ALX4: variants seen among roughly 807,000 people sequenced by gnomAD.
ALX4 encodes homeobox protein aristaless-like 4.
ALX4 carries 22 observed loss-of-function variants against 40.6 expected under a neutral mutation model. The ratio of observed to expected loss-of-function variants is 0.54; its 90% CI spans 0.39 to 0.77. The LOEUF is 0.77. Among genes scored for constraint, ALX4 ranks in the 30% least tolerant of loss-of-function variants. The probability of loss-of-function intolerance (pLI) is 0.00; values close to 1 mark genes in which losing one functional copy is unlikely to be tolerated. For synonymous variants in ALX4, 266 were observed against 240.5 expected, an observed-to-expected ratio of 1.11 and a Z score of -0.98; for missense variants, 556 against 564.8, an observed-to-expected ratio of 0.98 and a Z score of 0.16.
At chr11:44,286,068 T>C (rs1317004158) in intron 1 of ALX4, among the ~76,000 whole-genome samples, 1 of 152,194 alleles carries the variant, frequency 6.6e-6, no homozygotes, top group East Asian at 1.9e-4. Context: ...GGCCAGTGTG[T>C]CTGCAGGAAA....
At chr11:44,267,087 A>T (rs1055038255) in intron 3 of ALX4, among the ~76,000 whole-genome samples, 9 of 152,136 alleles carry the variant, frequency 5.9e-5, no homozygotes, top group Non-Finnish European at 1.0e-4. Flanking sequence ...AAGTCCCCGG[A>T]CTCAGAATCC....
In ALX4 at chr11:44,264,954, C is replaced by G; in HGVS notation, c.1136G>C (p.Gly379Ala). Residue 379 changes from glycine (G) to alanine (A), a missense_variant, in exon 4 of 4, where the codon GGC becomes GCC. Physicochemically the swap from Gly to Ala is moderately conservative, Grantham distance 60. Transcript: ENST00000652299. ...GAASLSPGLN[G>A]YELNGEPDRK... ...GTCCGGCTCGCCGTTGAGCTCGTAG[C>G]CATTGAGGCCTGGGCTGAGGCTGGC... is the stretch of plus-strand genomic sequence containing the variant. 1 of 1,613,234 alleles carries G rather than the reference C, an allele frequency of 6.2e-7. No individual in the cohort carries two copies. Among genetic ancestry groups the G allele is most frequent in the Non-Finnish European group, 8.5e-7 (1 of 1,179,956 alleles).
chr11:44,295,727 G>A (rs141080839), intron 1 of ALX4, among the ~76,000 whole-genome samples: 3 of 152,350 alleles, frequency 2.0e-5, no homozygotes, highest in Non-Finnish European at 2.9e-5. Context: ...TCCAAGCTCC[G>A]CTGGAAGGAT....
chr11:44,281,258 CAT>C (rs1052917426), intron 1 of ALX4, among the ~76,000 whole-genome samples: 7 of 151,900 alleles, frequency 4.6e-5, no homozygotes, highest in African/African-American at 1.7e-4. Flanking sequence ...GTGTGGGGAA[CAT>C]ATGTGTAGTT....
At chr11:44,302,320 A>G (rs993598130) in intron 1 of ALX4, among the ~76,000 whole-genome samples, 16 of 152,188 alleles carry the variant, frequency 1.1e-4, no homozygotes, top group African/African-American at 3.9e-4. Flanking sequence ...ACGTGGACCC[A>G]GAGAGAATGG....
chr11:44,286,219 C>G (rs1054809768), intron 1 of ALX4, among the ~76,000 whole-genome samples: 1 of 152,164 alleles, frequency 6.6e-6, no homozygotes, highest in East Asian at 1.9e-4. Context: ...CCAGCCACAG[C>G]GCAGGGCAGG....
intron 1 of ALX4, among the ~76,000 whole-genome samples, chr11:44,300,147 C>A (rs935628832): frequency 1.3e-5 from 2 of 152,192 alleles, no homozygotes; most frequent in African/African-American, 4.8e-5. Flanking sequence ...TCCCCCTTTC[C>A]TGGTACAATG....
chr11:44,297,058 A>T lies in ALX4; in HGVS notation c.466+12539T>A, dbSNP rs934026824. Among the ~76,000 whole-genome samples the T allele has an allele frequency of 1.6e-4, 23 of 148,334 alleles. 1 individual carries two copies. ...GTACCTACAGTAGGAAAATCCACAG[A>T]GAGAGAGTAGAATAGAGGTCACTTG... is the stretch of plus-strand genomic sequence containing the variant. On this transcript the variant is annotated intron_variant, in intron 1 of 3. Transcript: ENST00000652299.
intron 2 of ALX4, among the ~76,000 whole-genome samples, chr11:44,272,923 T>C (rs917649291): frequency 6.6e-5 from 10 of 152,246 alleles, no homozygotes; most frequent in African/African-American, 2.4e-4. Flanking sequence ...AACAGCTACA[T>C]ATTTACTGAT....
At chr11:44,283,973 G>A (rs542497366) in intron 1 of ALX4, among the ~76,000 whole-genome samples, 4 of 152,188 alleles carry the variant, frequency 2.6e-5, no homozygotes, top group Non-Finnish European at 5.9e-5. Context: ...ACCCTGCTGT[G>A]TAACACCTAG....
chr11:44,295,766 T>A (rs1403319827), intron 1 of ALX4, among the ~76,000 whole-genome samples: 2 of 152,200 alleles, frequency 1.3e-5, no homozygotes, highest in Non-Finnish European at 2.9e-5. Flanking sequence ...AAGGAAGTGG[T>A]CCCAGATGTG....
intron 1 of ALX4, among the ~76,000 whole-genome samples, chr11:44,282,593 G>T (rs769483612): frequency 5.9e-5 from 9 of 152,320 alleles, no homozygotes; most frequent in Non-Finnish European, 1.2e-4. Context: ...CTTTGACAGG[G>T]GAATGGAGAC....
chr11:44,272,320 A>T (rs1400776875), intron 2 of ALX4, among the ~76,000 whole-genome samples: 1 of 152,072 alleles, frequency 6.6e-6, no homozygotes, highest in African/African-American at 2.4e-5. Flanking sequence ...GCCAACCAAC[A>T]TGGTGAAACC....
At chr11:44,275,262 G>A in intron 2 of ALX4, 86 bp downstream of exon 2, 2 of 1,364,492 alleles carry the variant, frequency 1.5e-6, no homozygotes. Context: ...TGTGGTTGGT[G>A]GGCAGTCAGG....
chr11:44,278,178 G>A (rs1386975563), intron 1 of ALX4, among the ~76,000 whole-genome samples: 1 of 152,072 alleles, frequency 6.6e-6, no homozygotes, highest in Non-Finnish European at 1.5e-5. Flanking sequence ...GCTGGGGATT[G>A]GGACCACCCT....
chr11:44,301,650 G>A (rs1002723706), intron 1 of ALX4, among the ~76,000 whole-genome samples: 1 of 152,216 alleles, frequency 6.6e-6, no homozygotes, highest in African/African-American at 2.4e-5. Flanking sequence ...TATTGCAGGA[G>A]TCGCATCCAA....
chr11:44,294,431 A>C (rs2119862522), intron 1 of ALX4, among the ~76,000 whole-genome samples: 1 of 152,334 alleles, frequency 6.6e-6, no homozygotes, highest in Admixed American at 6.5e-5. Context: ...GGGTCAAATA[A>C]ACACAGAAAA....
At position 44,265,075 on chromosome 11, in the gene ALX4, G is replaced by A. The variant is rs757361317; in HGVS notation, c.1015C>T (p.Pro339Ser). ...PACMSPHAHP[P>S]GSGASSVTDF... ...GTGACGCTGCTGGCCCCAGAGCCAG[G>A]GGGGTGGGCATGAGGGGACATGCAG... Residue 339 changes from proline to serine, a missense_variant, in exon 4 of 4, where the codon CCT becomes TCT. Coordinates refer to ENST00000652299, the MANE Select transcript of ALX4 (RefSeq NM_021926.4). 1.9e-6 allele frequency: 3 copies of A among 1,613,018 alleles called. No homozygotes were observed. Among genetic ancestry groups the A allele is most frequent in the African/African-American group, 1.3e-5 (1 of 75,060 alleles).
At chr11:44,289,257 G>C (rs892067171) in intron 1 of ALX4, among the ~76,000 whole-genome samples, 13 of 152,174 alleles carry the variant, frequency 8.5e-5, no homozygotes, top group African/African-American at 3.1e-4. Context: ...GGTAAAACAA[G>C]ATACCAAGAT....
Sources: allele counts gnomAD v4.1 joint callset (sites outside exome capture counted in the v4.1 genomes callset), GRCh38; gene constraint gnomAD v4.1.1; transcripts MANE v1.5; gene names NCBI Gene and HGNC (gene_info 2026-07-23, HGNC 2026-07-21).